The following MXD3 variants were observed in gnomAD, a reference collection of about 807,000 sequenced individuals.
MXD3 encodes MAX dimerization protein 3.
Under a neutral mutation model 27.5 loss-of-function variants are expected in MXD3, and 20 were observed. The observed-to-expected ratio is 0.73, with a 90% CI of 0.51 to 1.06. The LOEUF is 1.06. MXD3 is among the 50% of genes least tolerant of loss of function. The probability of loss-of-function intolerance (pLI) is 0.00; values close to 1 mark genes in which losing one functional copy is unlikely to be tolerated. For synonymous variants in MXD3, 150 were observed against 130.7 expected, an observed-to-expected ratio of 1.15 and a Z score of -1.01; for missense variants, 298 against 291.3, an observed-to-expected ratio of 1.02 and a Z score of -0.17.
rs1285493474 is a variant in MXD3 at position 177,307,851 on chromosome 5, C to T, written c.435G>A (p.Glu145=). ...GACTGTCCGCCCGCAGCCGCTCCCGCTCGGCCGCCCCTGCCAGCCCCCGGA... is the reference window on the plus strand; with the variant it reads ...GACTGTCCGCCCGCAGCCGCTCCCGTTCGGCCGCCCCTGCCAGCCCCCGGA... ...EQLRGLAGAA[E]RERLRADSLD... is the part of the protein sequence containing the mutation. Residue 145 remains glutamate, a synonymous_variant, in exon 5 of 6, where the codon GAG becomes GAA. Transcript: ENST00000439742. 1 of 1,610,402 alleles carries T rather than the reference C, an allele frequency of 6.2e-7. No homozygotes were observed. Among genetic ancestry groups the T allele is most frequent in the Non-Finnish European group, 8.5e-7 (1 of 1,178,986 alleles).
chr5:177,310,585 G>A (rs369979118), intron 3 of MXD3, 45 bp from the exon 4 acceptor site: 23 of 1,611,886 alleles, frequency 1.4e-5, no homozygotes, highest in African/African-American at 8.0e-5. Context: ...CCACCTTGCC[G>A]GCCACAGGAA....
downstream of MXD3, chr5:177,307,060 G>GAGAC (rs1205622785): frequency 6.9e-7 from 1 of 1,455,734 alleles, no homozygotes; most frequent in African/African-American, 1.4e-5. Context: ...CCGTGAAGTG[G>GAGAC]AGACAGAACA....
At chr5:177,306,209 G>A, downstream of MXD3, 2 of 1,594,472 alleles carry the variant, frequency 1.3e-6, no homozygotes. Flanking sequence ...ATTCCTCATA[G>A]GGAGAGGCTC....
chr5:177,308,378 GTTTTT>G (rs561139172), intron 4 of MXD3, among the ~76,000 whole-genome samples: 1 of 146,460 alleles, frequency 6.8e-6, no homozygotes, highest in South Asian at 2.1e-4. Flanking sequence ...TTTGTTTTTT[GTTTTT>G]TTTTTTTGAA....
At chr5:177,312,680 T>A, upstream of MXD3, 4 of 985,430 alleles carry the variant, frequency 4.1e-6, no homozygotes, top group Non-Finnish European at 4.8e-6. Flanking sequence ...AGGAAGCTGT[T>A]GTTGCTACGA....
chr5:177,305,669 G>A (rs901865731), downstream of MXD3: 15 of 583,582 alleles, frequency 2.6e-5, no homozygotes, highest in South Asian at 1.0e-4. Context: ...TCTAGTTTAA[G>A]AGTCAGAAGA....
chr5:177,311,911 A>G (rs1317243263), upstream of MXD3: 1 of 1,499,604 alleles, frequency 6.7e-7, no homozygotes, highest in Admixed American at 2.2e-5. Context: ...AAAGTAACTG[A>G]CACGGTGCAA....
rs756325160 is a variant in MXD3, at chr5:177,307,654, C to T, written c.555G>A (p.Glu185=). Residue 185 remains glutamate, a synonymous_variant, in exon 6 of 6, where the codon GAG becomes GAA. Transcript: ENST00000439742. ...GGCCGGCGACGAAGCCCCGCAGCAG[C>T]TCGGCCTCACCCCCAAACACCAGGC... ...VESLVFGGEA[E]LLRGFVAGQE... is the part of the protein sequence containing the mutation. 4.3e-6 allele frequency: 7 copies of T among 1,613,548 alleles called. No homozygotes were observed. Among genetic ancestry groups the T allele is most frequent in the Middle Eastern group, 1.6e-4 (1 of 6,062 alleles).
chr5:177,311,443 G>T lies in MXD3; in HGVS notation c.112C>A (p.Pro38Thr), dbSNP rs768257226. 12 of 1,443,654 alleles carry T rather than the reference G, an allele frequency of 8.3e-6. No individual in the cohort carries two copies. In the East Asian group the frequency reaches 1.7e-4, roughly 20 times the overall value. The allele number at this position is 1,443,654 out of a possible 1,614,324, so 89.4% of individuals were successfully genotyped here. A position where few individuals can be genotyped will look rare whatever the true frequency, so the allele number is the denominator to read the frequency against. The stretch of plus-strand genomic sequence containing the variant: ...TTCTTCCTCCTGTGGATGGGGCCTG[G>T]ACTGCGATGCGGGCACAGGGACGCA... The part of the protein sequence containing the change: ...GYASLCPHRS[P>T]GPIHRRKKRP... Residue 38 changes from proline (P) to threonine (T), a missense_variant, in exon 2 of 6, where the codon CCA becomes ACA. Physicochemically the swap from Pro to Thr is conservative, Grantham distance 38. Coordinates refer to ENST00000439742, the MANE Select transcript of MXD3 (RefSeq NM_031300.4).
intron 4 of MXD3, among the ~76,000 whole-genome samples, chr5:177,308,316 G>C (rs1760943647): frequency 6.6e-6 from 1 of 152,166 alleles, no homozygotes; most frequent in Non-Finnish European, 1.5e-5. Flanking sequence ...CAGGAGCCAG[G>C]CATGTGCTGT....
chr5:177,308,152 C>T, intron 4 of MXD3, 188 bp from the exon 5 acceptor site: 1 of 592,292 alleles, frequency 1.7e-6, no homozygotes, highest in Non-Finnish European at 3.0e-6. Flanking sequence ...CGGCCATGCA[C>T]ACGTCCTGTC....
At position 177,310,559 on chromosome 5, in the gene MXD3, G is replaced by C. The variant is rs1186960876; in HGVS notation, c.207-19C>G. On this transcript the variant is annotated intron_variant, in intron 3 of 5. Transcript: ENST00000439742. ...GGCCCTCCTGTGGGGAAGAGGTCTGGAGGGCAGTGCCAGCCCCACCTTGCC... is the reference window on the plus strand; with the variant it reads ...GGCCCTCCTGTGGGGAAGAGGTCTGCAGGGCAGTGCCAGCCCCACCTTGCC... The C allele has an allele frequency of 1.6e-5, 25 of 1,611,136 alleles. No homozygotes were observed. The highest frequency in any genetic ancestry group is 2.0e-5 in the Non-Finnish European group (24 of 1,178,574).
At chr5:177,306,335 C>A, downstream of MXD3, 1 of 1,596,920 alleles carries the variant, frequency 6.3e-7, no homozygotes, top group South Asian at 1.1e-5. Context: ...TGGAGCCTGG[C>A]CCAGAGGAGA....
intron 4 of MXD3, 90 bp from the exon 5 acceptor site, chr5:177,308,054 C>G: frequency 1.6e-6 from 2 of 1,244,910 alleles, no homozygotes; most frequent in Non-Finnish European, 2.2e-6. Flanking sequence ...GCCACGGCCA[C>G]AGGGCCAATG....
intron 4 of MXD3, among the ~76,000 whole-genome samples, chr5:177,308,771 GAACA>G (rs943302555): frequency 2.0e-5 from 3 of 152,134 alleles, no homozygotes; most frequent in African/African-American, 4.8e-5. Flanking sequence ...GAAAACTAGA[GAACA>G]AACAAAGGCT....
rs142500050 is a variant in MXD3, at chr5:177,307,603, G to A, written c.606C>T (p.Gly202=). 132 of 1,612,562 alleles carry A rather than the reference G, an allele frequency of 8.2e-5. No homozygotes were observed. Among genetic ancestry groups the A allele is most frequent in the Admixed American group, 1.3e-4 (8 of 59,986 alleles). The part of the protein sequence containing the change: ...AGQEHSYSHG[G]GAWL ...GTGAGGAACATCATAGCCAGGCGCC[G>A]CCGCCGTGCGAGTAGCTGTGCTCCT... Residue 202 remains glycine (G), a synonymous_variant, in exon 6 of 6, where the codon GGC becomes GGT. Coordinates refer to ENST00000439742, the MANE Select transcript of MXD3 (RefSeq NM_031300.4).
chr5:177,311,858 C>T lies in MXD3; in HGVS notation c.-28G>A. 1 of 1,605,500 alleles carries T rather than the reference C, an allele frequency of 6.2e-7. No homozygotes were observed. The highest frequency in any genetic ancestry group is 8.5e-7 in the Non-Finnish European group (1 of 1,176,254). On this transcript the variant is annotated 5_prime_UTR_variant, in exon 1 of 6. Transcript: ENST00000439742. The stretch of plus-strand genomic sequence containing the variant: ...CGGCGACAGCTGGCGGCGGGCCGGC[C>T]TAGGGTGCCGGCCGGAGCAAGCGGC...
chr5:177,312,006 C>A (rs1424135477), upstream of MXD3: 3 of 1,277,256 alleles, frequency 2.3e-6, no homozygotes, highest in Admixed American at 3.8e-5. Context: ...GAACCCGCCA[C>A]GGAGCCGCAG....
chr5:177,311,278 C>A, intron 2 of MXD3, 101 bp downstream of exon 2: 1 of 726,016 alleles, frequency 1.4e-6, no homozygotes, highest in Non-Finnish European at 2.1e-6. Context: ...TGGAGCGGGA[C>A]ACCTGGCCCA....
Sources: gnomAD v4.1 joint callset for allele counts (sites outside exome capture counted in the v4.1 genomes callset) on GRCh38, gnomAD v4.1.1 for gene constraint, MANE v1.5 for transcripts, NCBI Gene and HGNC (gene_info 2026-07-23, HGNC 2026-07-21) for gene names.